JAZF1: variants seen among roughly 807,000 people sequenced by gnomAD.
JAZF1 encodes juxtaposed with another zinc finger protein 1.
A neutral mutation model predicts 26.4 loss-of-function variants in JAZF1; 8 were observed. That is an observed-to-expected ratio of 0.30 (90% CI 0.18 to 0.55). JAZF1 has a LOEUF of 0.55. Ranked by LOEUF, JAZF1 falls within the 20% of genes least tolerant of loss-of-function variation. The pLI is 0.94. For synonymous variants in JAZF1, 126 were observed against 122.3 expected, an observed-to-expected ratio of 1.03 and a Z score of -0.20; for missense variants, 199 against 322.0, an observed-to-expected ratio of 0.62 and a Z score of 2.92.
Position 28,055,067 on chromosome 7 carries a change from T to C in JAZF1, c.116-63086A>G, listed in dbSNP as rs117862871. Among the ~76,000 whole-genome samples the C allele has an allele frequency of 5.2e-3, 793 of 152,288 alleles. 4 individuals are homozygous for C. The highest frequency in any genetic ancestry group is 0.014 in the Middle Eastern group (4 of 294). On this transcript the variant is annotated intron_variant, in intron 1 of 4. Coordinates refer to ENST00000283928, the MANE Select transcript of JAZF1 (RefSeq NM_175061.4). Reference sequence around the variant, plus strand: ...GTACACTTAGAATTCGTGTACTACATGTTAATAAGACTTTGAGAAATTAAA... The same window carrying C: ...GTACACTTAGAATTCGTGTACTACACGTTAATAAGACTTTGAGAAATTAAA...
chr7:28,142,143 C>G (rs1290829325), intron 1 of JAZF1, among the ~76,000 whole-genome samples: 8 of 152,176 alleles, frequency 5.3e-5, no homozygotes, highest in Middle Eastern at 3.4e-3. Flanking sequence ...TTTTTTCCCT[C>G]TTCTTTGTAA....
chr7:28,075,822 A>G (rs1246485681), intron 1 of JAZF1, among the ~76,000 whole-genome samples: 1 of 152,218 alleles, frequency 6.6e-6, no homozygotes, highest in Non-Finnish European at 1.5e-5. Flanking sequence ...TAAGTCCTTG[A>G]TTCATTTGAA....
At chr7:28,097,816 G>C (rs539621342) in intron 1 of JAZF1, among the ~76,000 whole-genome samples, 64 of 152,290 alleles carry the variant, frequency 4.2e-4, no homozygotes, top group African/African-American at 1.5e-3. Context: ...TGACAGGAAA[G>C]AGGTAAATCT....
intron 3 of JAZF1, chr7:27,863,777 G>A (rs1257511665): frequency 1.3e-5 from 2 of 152,212 alleles, no homozygotes; most frequent in East Asian, 1.9e-4. Context: ...GTTCCTTGGG[G>A]AACAGAAATC....
At chr7:28,121,508 T>C (rs969972451) in intron 1 of JAZF1, among the ~76,000 whole-genome samples, 2 of 152,228 alleles carry the variant, frequency 1.3e-5, no homozygotes, top group African/African-American at 2.4e-5. Context: ...TCTGTATCCA[T>C]GTGATTTCCT....
chr7:27,880,628 C>A (rs986645868), intron 3 of JAZF1, among the ~76,000 whole-genome samples: 1 of 152,122 alleles, frequency 6.6e-6, no homozygotes, highest in Non-Finnish European at 1.5e-5. Flanking sequence ...AAGACTCCAT[C>A]TCGGGGGATG....
intron 1 of JAZF1, among the ~76,000 whole-genome samples, chr7:28,110,189 G>T (rs11767776): frequency 0.53 from 81,120 of 151,800 alleles, 23,391 homozygotes; most frequent in Non-Finnish European, 0.64. Flanking sequence ...ACTTTGGGAG[G>T]CCAAGGTGGG....
At chr7:27,873,098 G>A (rs538936175) in intron 3 of JAZF1, among the ~76,000 whole-genome samples, 23 of 152,300 alleles carry the variant, frequency 1.5e-4, no homozygotes, top group Admixed American at 8.5e-4. Context: ...TGTGCGTTAT[G>A]CATGACAGCA....
At chr7:27,910,790 C>T (rs149070789) in intron 2 of JAZF1, among the ~76,000 whole-genome samples, 57 of 152,270 alleles carry the variant, frequency 3.7e-4, no homozygotes, top group African/African-American at 1.3e-3. Flanking sequence ...GCACCCAACA[C>T]CCGGGCCATT....
intron 1 of JAZF1, among the ~76,000 whole-genome samples, chr7:28,143,291 A>G (rs1782983729): frequency 6.6e-6 from 1 of 152,140 alleles, no homozygotes; most frequent in Non-Finnish European, 1.5e-5. Flanking sequence ...ATGTCCTTCA[A>G]GTTTAAGTTC....
intron 3 of JAZF1, among the ~76,000 whole-genome samples, chr7:27,877,849 G>A (rs1313034579): frequency 3.9e-5 from 6 of 152,152 alleles, no homozygotes. Context: ...TCAGGGTGTG[G>A]CACCTTCTCC....
chr7:27,882,947 G>A (rs557661422), intron 3 of JAZF1, among the ~76,000 whole-genome samples: 159 of 152,170 alleles, frequency 1.0e-3, no homozygotes, highest in African/African-American at 3.5e-3. Flanking sequence ...TGGCAGTCTC[G>A]GGCGTCTGTT....
At chr7:27,883,567 C>A (rs1047060771) in intron 3 of JAZF1, among the ~76,000 whole-genome samples, 1 of 152,172 alleles carries the variant, frequency 6.6e-6, no homozygotes, top group Non-Finnish European at 1.5e-5. Flanking sequence ...AGTGCCTGCC[C>A]GTCAGAGAAA....
intron 2 of JAZF1, among the ~76,000 whole-genome samples, chr7:27,952,923 G>C (rs1785035502): frequency 6.6e-6 from 1 of 152,122 alleles, no homozygotes; most frequent in Non-Finnish European, 1.5e-5. Context: ...GTTACCAAGT[G>C]GAACCACATC....
At chr7:27,963,558 T>C (rs1415191187) in intron 2 of JAZF1, among the ~76,000 whole-genome samples, 5 of 97,620 alleles carry the variant, frequency 5.1e-5, no homozygotes, top group South Asian at 7.4e-4. Flanking sequence ...TGTTTGCAAT[T>C]CCCCCCCCCC....
At chr7:28,037,749 G>A (rs1783318174) in intron 1 of JAZF1, among the ~76,000 whole-genome samples, 1 of 152,218 alleles carries the variant, frequency 6.6e-6, no homozygotes, top group South Asian at 2.1e-4. Context: ...ATCCAGAGAT[G>A]TGTGGATGGA....
At chr7:28,021,194 A>G (rs1262911247) in intron 1 of JAZF1, among the ~76,000 whole-genome samples, 1 of 152,170 alleles carries the variant, frequency 6.6e-6, no homozygotes, top group Non-Finnish European at 1.5e-5. Context: ...TGCAGGAGAC[A>G]TCAGGAAAGA....
chr7:28,152,062 T>C (rs927376900), intron 1 of JAZF1, among the ~76,000 whole-genome samples: 7 of 152,334 alleles, frequency 4.6e-5, no homozygotes, highest in African/African-American at 1.7e-4. Flanking sequence ...CGTCCTCACA[T>C]GATGATGTGA....
chr7:28,081,038 G>C (rs1784128990), intron 1 of JAZF1, among the ~76,000 whole-genome samples: 1 of 152,142 alleles, frequency 6.6e-6, no homozygotes, highest in South Asian at 2.1e-4. Flanking sequence ...ATACAGAGTA[G>C]TAAGCTGGTA....
Sources: allele counts gnomAD v4.1 joint callset (sites outside exome capture counted in the v4.1 genomes callset), GRCh38; gene constraint gnomAD v4.1.1; transcripts MANE v1.5; gene names NCBI Gene and HGNC (gene_info 2026-07-23, HGNC 2026-07-21).